The following OTUD7A variants were observed in gnomAD, a reference collection of about 807,000 sequenced individuals.
OTUD7A encodes the protein OTU deubiquitinase 7A, also known as OTU domain-containing protein 7A.
In OTUD7A, 12 loss-of-function variants were observed where a neutral mutation model predicts 65.7. The observed-to-expected ratio is 0.18, with a 90% confidence interval of 0.12 to 0.30. OTUD7A has a LOEUF of 0.30. Ranked by LOEUF, OTUD7A falls within the 10% of genes least tolerant of loss-of-function variation. The pLI, the probability that OTUD7A is intolerant of heterozygous loss-of-function variation, is 1.00. For missense variants in OTUD7A, 1,148 were observed against 1,304.8 expected, an observed-to-expected ratio of 0.88 and a Z score of 1.85; for synonymous variants, 641 against 586.3, an observed-to-expected ratio of 1.09 and a Z score of -1.35.
intron 3 of OTUD7A, among the ~76,000 whole-genome samples, chr15:31,609,100 T>C (rs2141220156): frequency 6.6e-6 from 1 of 152,282 alleles, no homozygotes; most frequent in South Asian, 2.1e-4. Context: ...GGGAGCTCAC[T>C]GGGTCCCCAA....
chr15:31,558,995 GCCTGCTCGATCAAGTCCCGCTCGATGAA>G lies in OTUD7A; in HGVS notation c.496_523del (p.Phe166GlnfsTer12), dbSNP rs1443825609. Reference sequence around the variant, plus strand: ...TGCCTGCTCCAAAGCCACCATTGTTGCCTGCTCGATCAAGTCCCGCTCGATGAAGCTCCTGAAATCCTCGCTGTACACG... The same window carrying G: ...TGCCTGCTCCAAAGCCACCATTGTTGGCTCCTGAAATCCTCGCTGTACACG... On this transcript the variant is annotated frameshift_variant, in exon 5 of 13. Coordinates refer to ENST00000307050, the MANE Select transcript of OTUD7A (RefSeq NM_001382637.1). LOFTEE classifies it high-confidence loss of function. 6.2e-7 allele frequency: 1 copy of G among 1,614,188 alleles called. No homozygotes were observed.
chr15:31,661,882 C>T (rs1298550488), intron 1 of OTUD7A, among the ~76,000 whole-genome samples: 1 of 152,058 alleles, frequency 6.6e-6, no homozygotes, highest in Non-Finnish European at 1.5e-5. Context: ...ACAGATTTTG[C>T]CTCCGTCTTT....
At chr15:31,631,821 C>T (rs531475840) in intron 3 of OTUD7A, among the ~76,000 whole-genome samples, 9 of 152,276 alleles carry the variant, frequency 5.9e-5, no homozygotes, top group East Asian at 1.9e-4. Context: ...CTTCCCTTCT[C>T]GCTTCATTTC....
chr15:31,533,290 G>A (rs1459146554), intron 5 of OTUD7A, among the ~76,000 whole-genome samples: 1 of 147,526 alleles, frequency 6.8e-6, no homozygotes, highest in African/African-American at 2.5e-5. Flanking sequence ...AGGCTGGAGT[G>A]CAGTGGTGCA....
intron 1 of OTUD7A, among the ~76,000 whole-genome samples, chr15:31,860,679 A>ATATATATATATATATATGTATG: frequency 2.4e-5 from 1 of 40,890 alleles, no homozygotes; most frequent in South Asian, 5.8e-4. Context: ...GTATGTGTGT[A>ATATATATATATATATATGTATG]TATATATATA....
intron 3 of OTUD7A, among the ~76,000 whole-genome samples, chr15:31,601,345 T>A (rs1232795631): frequency 6.6e-6 from 1 of 152,164 alleles, no homozygotes; most frequent in Non-Finnish European, 1.5e-5. Flanking sequence ...CTGAACAACC[T>A]GCTCCTGAAT....
intron 1 of OTUD7A, among the ~76,000 whole-genome samples, chr15:31,671,820 T>A (rs1168251717): frequency 6.6e-6 from 1 of 152,218 alleles, no homozygotes; most frequent in Non-Finnish European, 1.5e-5. Flanking sequence ...GTGATATACG[T>A]AAACTGCATG....
intron 5 of OTUD7A, among the ~76,000 whole-genome samples, chr15:31,554,550 T>C (rs1462800020): frequency 1.3e-5 from 2 of 152,132 alleles, no homozygotes; most frequent in African/African-American, 4.8e-5. Flanking sequence ...TTCCCCTCAA[T>C]CCAATTATCC....
intron 1 of OTUD7A, among the ~76,000 whole-genome samples, chr15:31,808,140 C>CACACACACACACACACA (rs1272100227): frequency 7.1e-6 from 1 of 140,300 alleles, no homozygotes; most frequent in African/African-American, 2.6e-5. Flanking sequence ...CACACACAAA[C>CACACACACACACACACA]AAATCCTCAC....
chr15:31,822,504 C>T (rs1896707039), intron 1 of OTUD7A, among the ~76,000 whole-genome samples: 1 of 152,214 alleles, frequency 6.6e-6, no homozygotes, highest in Non-Finnish European at 1.5e-5. Context: ...GTCCAGTCAA[C>T]AAAGCAGGTG....
At chr15:31,795,834 G>A (rs1278843061) in intron 1 of OTUD7A, among the ~76,000 whole-genome samples, 1 of 152,128 alleles carries the variant, frequency 6.6e-6, no homozygotes, top group Non-Finnish European at 1.5e-5. Context: ...TGAGGAACAG[G>A]CCCATATGTA....
intron 1 of OTUD7A, among the ~76,000 whole-genome samples, chr15:31,761,989 AG>A (rs1894977435): frequency 6.6e-6 from 1 of 152,164 alleles, no homozygotes; most frequent in African/African-American, 2.4e-5. Context: ...TTGCCTACAG[AG>A]GGGGGCATGT....
chr15:31,484,723 G>T lies in OTUD7A; in HGVS notation c.1373C>A (p.Ala458Glu). The change falls in exon 13 of 13, where the codon GCG becomes GAG. Residue 458 changes from alanine to glutamate, a missense_variant and splice_region_variant. This residue lies in a region of OTUD7A where 842 missense variants were observed against 769.5 expected (regional missense o/e 1.09). Coordinates refer to ENST00000307050, the MANE Select transcript of OTUD7A (RefSeq NM_001382637.1). The surrounding 1 kb of genome is among the most constrained non-coding windows in gnomAD (Gnocchi z 4.5). Reference protein sequence around the residue: ...TWIRIPSETRAPLAQPESPTA... With the variant: ...TWIRIPSETREPLAQPESPTA... ...GGGAGACTCCGGCTGTGCCAGGGGC[G>T]CCTGTGTGGAGAGGGAGGGCCGGAT... The T allele has an allele frequency of 6.3e-7, 1 of 1,589,912 alleles. No homozygotes were observed. The highest frequency in any genetic ancestry group is 8.5e-7 in the Non-Finnish European group (1 of 1,174,424).
intron 8 of OTUD7A, among the ~76,000 whole-genome samples, chr15:31,510,936 T>C (rs1307639332): frequency 3.4e-5 from 1 of 29,496 alleles, no homozygotes; most frequent in African/African-American, 3.4e-4. Context: ...CATATATGTA[T>C]ATCTATATGT....
intron 3 of OTUD7A, among the ~76,000 whole-genome samples, chr15:31,623,130 G>A (rs554861190): frequency 1.2e-4 from 18 of 152,344 alleles, no homozygotes; most frequent in African/African-American, 3.1e-4. Flanking sequence ...TGGAAGTTTC[G>A]TCTCAGAGGG....
At chr15:31,808,136 C>CACACA (rs772574742) in intron 1 of OTUD7A, among the ~76,000 whole-genome samples, 91 of 119,510 alleles carry the variant, frequency 7.6e-4, no homozygotes, top group African/African-American at 2.4e-3. Context: ...CACACACACA[C>CACACA]AAACAAATCC....
At chr15:31,777,304 C>A (rs1280888489) in intron 1 of OTUD7A, among the ~76,000 whole-genome samples, 1 of 152,218 alleles carries the variant, frequency 6.6e-6, no homozygotes, top group African/African-American at 2.4e-5. Context: ...ACTTCCCAAT[C>A]CCATCACCTT....
intron 7 of OTUD7A, 37 bp downstream of exon 7, chr15:31,527,144 T>C (rs2042025847): frequency 6.2e-7 from 1 of 1,612,630 alleles, no homozygotes; most frequent in Non-Finnish European, 8.5e-7. Flanking sequence ...GCATCTGGCC[T>C]GGGTCCCGGG....
At chr15:31,863,968 C>T (rs994189061) in intron 1 of OTUD7A, among the ~76,000 whole-genome samples, 3 of 152,180 alleles carry the variant, frequency 2.0e-5, no homozygotes, top group African/African-American at 7.2e-5. Flanking sequence ...GTTTCTTCTG[C>T]CAGATACCCT....
Sources: gnomAD v4.1 joint callset for allele counts (sites outside exome capture counted in the v4.1 genomes callset) on GRCh38, gnomAD v4.1.1 for gene constraint, gnomAD v4.1.1 regional missense constraint, Gnocchi (gnomAD v3.1) non-coding constraint, MANE v1.5 for transcripts, NCBI Gene and HGNC (gene_info 2026-07-23, HGNC 2026-07-21) for gene names.